ARPC5: variants seen among roughly 807,000 people sequenced by gnomAD.
The protein encoded by ARPC5 is actin related protein 2/3 complex subunit 5.
A neutral mutation model predicts 15.4 loss-of-function variants in ARPC5; 5 were observed. The ratio of observed to expected loss-of-function variants is 0.32; its 90% CI spans 0.17 to 0.68. The LOEUF (loss-of-function observed/expected upper bound fraction) is 0.68. ARPC5 is among the 30% of genes least tolerant of loss of function. The probability of loss-of-function intolerance (pLI) is 0.71; values close to 1 mark genes in which losing one functional copy is unlikely to be tolerated. For synonymous variants in ARPC5, 85 were observed against 72.2 expected (o/e 1.18, Z -0.90); for missense variants, 138 against 192.8 (o/e 0.72, Z 1.68).
chr1:183,631,620 G>A (rs908262989), intron 2 of ARPC5: 3 of 150,372 alleles, frequency 2.0e-5, no homozygotes, highest in Non-Finnish European at 4.4e-5. Context: ...ACAAAACAAG[G>A]AGGCAGATTT....
rs1649234914 is a variant in ARPC5, at chr1:183,630,563, A to G, written c.291T>C (p.Ser97=). 6.2e-7 allele frequency: 1 copy of G among 1,613,974 alleles called. No homozygotes were observed. Among genetic ancestry groups the G allele is most frequent in the Non-Finnish European group, 8.5e-7 (1 of 1,179,984 alleles). ...KANDIEKAVQ[S]LDKNGVDLLM... is the part of the protein sequence containing the mutation. ...GGAGATCCACACCATTCTTGTCCAG[A>G]GATTGAACTGCCTTTTCTATATCAT... Residue 97 remains serine (S), a synonymous_variant, in exon 3 of 4, where the codon TCT becomes TCC. Transcript: ENST00000359856.
intron 2 of ARPC5, 139 bp from the exon 3 acceptor site, chr1:183,630,776 A>G: frequency 1.3e-6 from 1 of 767,948 alleles, no homozygotes; most frequent in Non-Finnish European, 2.0e-6. Flanking sequence ...TAACTGAGGA[A>G]AGTGTTTCAG....
In ARPC5 at chr1:183,635,519, C is replaced by T. The variant is rs1485256846; in HGVS notation, c.141G>A (p.Arg47=). 1.9e-6 allele frequency: 3 copies of T among 1,610,442 alleles called. No homozygotes were observed. Among genetic ancestry groups the T allele is most frequent in the Non-Finnish European group, 2.5e-6 (3 of 1,178,660 alleles). ...PDEGEVDSCL[R]QGNMTAALQA... ...GAGGGCGGTGAATGCAAGGATATTGCCGCAGGCAGGAGTCCACCTCGCCCT... is the reference window on the plus strand; with the variant it reads ...GAGGGCGGTGAATGCAAGGATATTGTCGCAGGCAGGAGTCCACCTCGCCCT... The change falls in exon 1 of 4, where the codon CGG becomes CGA. Residue 47 remains arginine, a splice_region_variant and synonymous_variant. Coordinates refer to ENST00000359856, the MANE Select transcript of ARPC5 (RefSeq NM_005717.4).
intron 2 of ARPC5, 25 bp from the exon 3 acceptor site, chr1:183,630,662 C>T: frequency 6.3e-7 from 1 of 1,597,994 alleles, no homozygotes; most frequent in Non-Finnish European, 8.5e-7. Flanking sequence ...AATAACAGAA[C>T]ATTTAGACAT....
chr1:183,629,601 TTA>T (rs1265948307), intron 3 of ARPC5, among the ~76,000 whole-genome samples: 5 of 152,358 alleles, frequency 3.3e-5, no homozygotes, highest in Admixed American at 1.3e-4. Context: ...TCAAAATCAC[TTA>T]TACTCTTTTG....
Position 183,630,436 on chromosome 1 carries a change from T to C in ARPC5, c.393+25A>G, listed in dbSNP as rs773029661. ...TTCCCTATTGTAAAAGAACCAGTCA[T>C]ATAGATTTATAATTCATAACTTACC... On this transcript the variant is annotated intron_variant, in intron 3 of 3. Coordinates refer to ENST00000359856, the MANE Select transcript of ARPC5 (RefSeq NM_005717.4). The C allele has an allele frequency of 1.5e-5, 23 of 1,554,150 alleles. No individual in the cohort carries two copies. The East Asian group carries it at 5.0e-4, about 34-fold the overall frequency.
chr1:183,634,502 G>A (rs767089128), intron 1 of ARPC5, among the ~76,000 whole-genome samples: 3 of 152,210 alleles, frequency 2.0e-5, no homozygotes, highest in Non-Finnish European at 4.4e-5. Flanking sequence ...TACAAATTCA[G>A]TGTCTGAGAT....
chr1:183,626,298 G>A lies in ARPC5; in HGVS notation c.*1234C>T, dbSNP rs988574890. 8 of 152,174 alleles carry A rather than the reference G, an allele frequency of 5.3e-5. No homozygotes were observed. Among genetic ancestry groups the A allele is most frequent in the African/African-American group, 1.4e-4 (6 of 41,440 alleles). 9.4% of individuals were successfully genotyped at this position (152,174 alleles called of 1,614,324 possible). On this transcript the variant is annotated 3_prime_UTR_variant, in exon 4 of 4. Transcript: ENST00000359856. ...TATCAAAAACAGCAAAGAGTTTATAGAATTTCTGCACCAGTTTGCACATAA... is the reference window on the plus strand; with the variant it reads ...TATCAAAAACAGCAAAGAGTTTATAAAATTTCTGCACCAGTTTGCACATAA...
chr1:183,623,753 G>A lies in ARPC5; in HGVS notation c.*3779C>T, dbSNP rs1649004269. On this transcript the variant is annotated 3_prime_UTR_variant, in exon 4 of 4. Transcript: ENST00000359856. ...AAATTAATCAATCTGGCTGGGCGCG[G>A]TGGTCACGCCTGTAATCCCAGTGCT... The A allele has an allele frequency of 2.1e-6, 1 of 478,604 alleles. No homozygotes were observed. Among genetic ancestry groups the A allele is most frequent in the South Asian group, 2.3e-5 (1 of 42,596 alleles). The allele number at this position is 478,604 out of a possible 1,614,324, so 29.6% of individuals were successfully genotyped here.
chr1:183,627,479 T>A lies in ARPC5; in HGVS notation c.*53A>T. 6.6e-7 allele frequency: 1 copy of A among 1,517,514 alleles called. No individual in the cohort carries two copies. 94.0% of individuals were successfully genotyped at this position (1,517,514 alleles called of 1,614,324 possible). ...CAGCGGTGGCATTTGGTTGTTTTGG[T>A]CTTTGTACCAGCAATTCCCACTCCC... On this transcript the variant is annotated 3_prime_UTR_variant, in exon 4 of 4. Coordinates refer to ENST00000359856, the MANE Select transcript of ARPC5 (RefSeq NM_005717.4).
intron 2 of ARPC5, 157 bp from the exon 3 acceptor site, chr1:183,630,794 A>G (rs1368662208): frequency 3.0e-6 from 2 of 665,210 alleles, no homozygotes; most frequent in Admixed American, 3.0e-5. Flanking sequence ...CAGACAGAGG[A>G]AAGAACAGTG....
Position 183,627,307 on chromosome 1 carries a change from T to C in ARPC5, c.*225A>G. 1.8e-6 allele frequency: 1 copy of C among 568,798 alleles called. No homozygotes were observed. Among genetic ancestry groups the C allele is most frequent in the East Asian group, 3.0e-5 (1 of 33,252 alleles). 35.2% of individuals were successfully genotyped at this position (568,798 alleles called of 1,614,324 possible). On this transcript the variant is annotated 3_prime_UTR_variant, in exon 4 of 4. Transcript: ENST00000359856. ...GGTATAAACATCACTGAAATGGTTT[T>C]GAAAGGATGAAACACTTCTATTTTA...
In ARPC5 at chr1:183,627,661, C is replaced by G. The variant is rs961683874; in HGVS notation, c.394-67G>C. ...AGGTCAATTCTCATATTTGGTAAAACATTTTTCTTAAAGAAGGAATGGGCA... is the reference window on the plus strand; with the variant it reads ...AGGTCAATTCTCATATTTGGTAAAAGATTTTTCTTAAAGAAGGAATGGGCA... On this transcript the variant is annotated intron_variant, in intron 3 of 3. Transcript: ENST00000359856. The G allele has an allele frequency of 5.0e-5, 68 of 1,354,474 alleles. No homozygotes were observed. In the African/African-American group the frequency reaches 9.8e-4, roughly 20 times the overall value. 83.9% of individuals were successfully genotyped at this position (1,354,474 alleles called of 1,614,324 possible).
Position 183,626,405 on chromosome 1 carries a change from G to A in ARPC5, c.*1127C>T, listed in dbSNP as rs1317953730. 1.3e-5 allele frequency: 2 copies of A among 152,244 alleles called. No individual in the cohort carries two copies. Among genetic ancestry groups the A allele is most frequent in the East Asian group, 3.8e-4 (2 of 5,200 alleles). The allele number at this position is 152,244 out of a possible 1,614,324, so 9.4% of individuals were successfully genotyped here. On this transcript the variant is annotated 3_prime_UTR_variant, in exon 4 of 4. Transcript: ENST00000359856. ...TCTTGGTCAGGTGGTTTGTTTTAGA[G>A]CTACTCGATATTTATAACTTTTTAT... is the stretch of plus-strand genomic sequence containing the variant.
At chr1:183,630,711 A>C in intron 2 of ARPC5, 74 bp from the exon 3 acceptor site, 1 of 1,391,824 alleles carries the variant, frequency 7.2e-7, no homozygotes, top group African/African-American at 1.4e-5. Context: ...GAAAGTCTAC[A>C]CTATGAATGT....
rs1486281350 is a variant in ARPC5 at position 183,635,710 on chromosome 1, A to G, written c.-51T>C. The G allele has an allele frequency of 1.3e-6, 2 of 1,581,768 alleles. No homozygotes were observed. The highest frequency in any genetic ancestry group is 1.4e-5 in the African/African-American group (1 of 73,896). ...CTCTTCTTGGCGCTGCCTCTACCTC[A>G]GCAAGCCCAGCCCAGCAACCCACTA... On this transcript the variant is annotated 5_prime_UTR_variant, in exon 1 of 4. Transcript: ENST00000359856.
intron 3 of ARPC5, among the ~76,000 whole-genome samples, chr1:183,628,713 T>C (rs1006873261): frequency 1.3e-5 from 2 of 152,112 alleles, no homozygotes; most frequent in African/African-American, 4.8e-5. Flanking sequence ...AAATGACACA[T>C]TAAAAGAATG....
chr1:183,622,894 T>C lies in ARPC5; in HGVS notation c.*4638A>G, dbSNP rs1213452709. The stretch of plus-strand genomic sequence containing the variant: ...CCCAAGAATTATTTTACTCTTTGTA[T>C]AGTTCTCAATTTGTACTTCTGATGT... On this transcript the variant is annotated 3_prime_UTR_variant, in exon 4 of 4. Coordinates refer to ENST00000359856, the MANE Select transcript of ARPC5 (RefSeq NM_005717.4). The C allele has an allele frequency of 6.5e-6, 1 of 153,886 alleles. No homozygotes were observed. The highest frequency in any genetic ancestry group is 2.4e-5 in the African/African-American group (1 of 41,482). The allele number at this position is 153,886 out of a possible 1,614,324, so 9.5% of individuals were successfully genotyped here.
intron 3 of ARPC5, among the ~76,000 whole-genome samples, chr1:183,630,151 C>G (rs1572197683): frequency 6.6e-6 from 1 of 152,218 alleles, no homozygotes; most frequent in East Asian, 1.9e-4. Flanking sequence ...GTTGTTTTCA[C>G]CTTTTGGTCA....
Sources: allele counts gnomAD v4.1 joint callset (sites outside exome capture counted in the v4.1 genomes callset), GRCh38; gene constraint gnomAD v4.1.1; transcripts MANE v1.5; gene names NCBI Gene and HGNC (gene_info 2026-07-23, HGNC 2026-07-21).